The following SCEL variants were observed in gnomAD, a reference collection of about 807,000 sequenced individuals.
The protein encoded by SCEL is sciellin.
SCEL carries 113 observed loss-of-function variants against 117.6 expected under a neutral mutation model. That is an observed-to-expected ratio of 0.96 (90% CI 0.83 to 1.12). The LOEUF (loss-of-function observed/expected upper bound fraction) is 1.12. SCEL is among the 50% of genes most tolerant of loss of function. The probability of loss-of-function intolerance (pLI) is 0.00; values close to 1 mark genes in which losing one functional copy is unlikely to be tolerated. For missense variants in SCEL, 785 were observed against 810.8 expected (o/e 0.97, Z 0.39); for synonymous variants, 270 against 256.2 (o/e 1.05, Z -0.51).
At chr13:77,632,068 G>A (rs757866093) in intron 28 of SCEL, among the ~76,000 whole-genome samples, 1 of 152,182 alleles carries the variant, frequency 6.6e-6, no homozygotes, top group African/African-American at 2.4e-5. Flanking sequence ...GAGGATTCCA[G>A]TTCTGTGGCA....
At chr13:77,610,133 T>C in intron 22 of SCEL, 27 bp downstream of exon 22, 1 of 1,524,832 alleles carries the variant, frequency 6.6e-7, no homozygotes, top group Middle Eastern at 1.7e-4. Context: ...TCTCTATTTC[T>C]CCCCCCTTTT....
chr13:77,550,780 G>T (rs1478752854), intron 1 of SCEL, among the ~76,000 whole-genome samples: 3 of 152,160 alleles, frequency 2.0e-5, no homozygotes, highest in Admixed American at 2.0e-4. Flanking sequence ...GGACATTGGG[G>T]TTGTTTCTAC....
In SCEL at chr13:77,602,099, C is replaced by G. The variant is rs771753570; in HGVS notation, c.952C>G (p.Gln318Glu). The change falls in exon 16 of 33, where the codon CAA becomes GAA. Residue 318 changes from glutamine (Q) to glutamate (E), a missense_variant. Gln to Glu is a conservative substitution (Grantham distance 29). Transcript: ENST00000349847. ...QSLGSPIKVN[Q>E]RTDKNEKGRQ... ...CCTTGGAAGTCCGATTAAAGTTAAT[C>G]AAAGGACTGACAAAAATGAGAAAGG... 2 of 1,611,436 alleles carry G rather than the reference C, an allele frequency of 1.2e-6. No homozygotes were observed. The highest frequency in any genetic ancestry group is 1.7e-6 in the Non-Finnish European group (2 of 1,178,954).
At chr13:77,577,418 T>C (rs953766536) in intron 9 of SCEL, among the ~76,000 whole-genome samples, 3 of 152,026 alleles carry the variant, frequency 2.0e-5, no homozygotes, top group Admixed American at 1.3e-4. Flanking sequence ...CAGACACTTA[T>C]AAAACCATCA....
chr13:77,606,207 T>C (rs928957124), intron 19 of SCEL, among the ~76,000 whole-genome samples: 1 of 152,348 alleles, frequency 6.6e-6, no homozygotes, highest in African/African-American at 2.4e-5. Flanking sequence ...CATGTGTGAT[T>C]GCATATGTAT....
chr13:77,568,126 G>A (rs1213359222), intron 6 of SCEL, among the ~76,000 whole-genome samples, 169 bp from the exon 7 acceptor site: 1 of 152,110 alleles, frequency 6.6e-6, no homozygotes, highest in Non-Finnish European at 1.5e-5. Context: ...TCTAGTACAA[G>A]AGACAAAATC....
intron 29 of SCEL, among the ~76,000 whole-genome samples, chr13:77,635,427 C>T (rs886520292): frequency 3.3e-5 from 5 of 151,998 alleles, no homozygotes; most frequent in Non-Finnish European, 5.9e-5. Context: ...GAAGGCAAGG[C>T]GTGAAATATT....
chr13:77,615,102 T>G (rs1466485929), intron 24 of SCEL, among the ~76,000 whole-genome samples: 1 of 152,158 alleles, frequency 6.6e-6, no homozygotes. Context: ...GTCCATGAGT[T>G]GCATTCTTAA....
chr13:77,577,395 C>T (rs566275011), intron 9 of SCEL, among the ~76,000 whole-genome samples: 40 of 152,072 alleles, frequency 2.6e-4, no homozygotes, highest in Admixed American at 2.3e-3. Context: ...TGAAGGCAAG[C>T]GGGGGAGGAT....
Position 77,593,527 on chromosome 13 carries a change from G to T in SCEL, c.706G>T (p.Asp236Tyr). The T allele has an allele frequency of 6.2e-7, 1 of 1,612,672 alleles. No individual in the cohort carries two copies. Among genetic ancestry groups the T allele is most frequent in the Non-Finnish European group, 8.5e-7 (1 of 1,179,004 alleles). The part of the protein sequence containing the change: ...AERNIRSQDL[D>Y]NIVKVATSLQ... ...CATTGTTTGAAGGAGTCAGGATCTT[G>T]ATAACATCGTCAAAGTGGCCACTTC... The change falls in exon 12 of 33, where the codon GAT (aspartate) becomes TAT (tyrosine). Residue 236 changes from aspartate (D) to tyrosine (Y), a missense_variant. Transcript: ENST00000349847.
At chr13:77,576,799 C>T (rs2085967739) in intron 9 of SCEL, among the ~76,000 whole-genome samples, 1 of 152,094 alleles carries the variant, frequency 6.6e-6, no homozygotes, top group African/African-American at 2.4e-5. Flanking sequence ...TTTTTGTGTC[C>T]TCTCTGATTT....
chr13:77,616,111 C>T (rs540471160), intron 24 of SCEL, among the ~76,000 whole-genome samples: 1 of 150,328 alleles, frequency 6.7e-6, no homozygotes, highest in African/African-American at 2.4e-5. Flanking sequence ...CTTTATGTAA[C>T]AGTGGTTAGA....
At chr13:77,540,238 C>T (rs2083632226) in intron 1 of SCEL, among the ~76,000 whole-genome samples, 1 of 152,186 alleles carries the variant, frequency 6.6e-6, no homozygotes, top group South Asian at 2.1e-4. Context: ...AAATATTCCT[C>T]TAGAACTGAT....
intron 12 of SCEL, among the ~76,000 whole-genome samples, chr13:77,596,324 ACT>A (rs985365727): frequency 7.5e-6 from 1 of 133,956 alleles, no homozygotes; most frequent in Non-Finnish European, 1.7e-5. Flanking sequence ...CAAGAGTGAA[ACT>A]CTGTCTTAAA....
intron 1 of SCEL, among the ~76,000 whole-genome samples, chr13:77,554,317 G>A (rs1255060460): frequency 2.6e-5 from 4 of 152,298 alleles, no homozygotes; most frequent in South Asian, 2.1e-4. Flanking sequence ...GCCTAACAGC[G>A]AAGGGCAAAT....
At chr13:77,549,344 A>G (rs1416498265) in intron 1 of SCEL, among the ~76,000 whole-genome samples, 1 of 152,102 alleles carries the variant, frequency 6.6e-6, no homozygotes, top group Non-Finnish European at 1.5e-5. Context: ...AGCCATTTGT[A>G]TGTCTTTATA....
chr13:77,558,842 G>A (rs772199470), intron 3 of SCEL, among the ~76,000 whole-genome samples: 74 of 146,370 alleles, frequency 5.1e-4, no homozygotes, highest in Non-Finnish European at 8.7e-4. Context: ...AAAAAAAAAG[G>A]TACCAGAGTG....
intron 22 of SCEL, among the ~76,000 whole-genome samples, chr13:77,610,712 T>G (rs1354572378): frequency 6.6e-6 from 1 of 152,206 alleles, no homozygotes; most frequent in Non-Finnish European, 1.5e-5. Flanking sequence ...TTCCCTGATC[T>G]AAGTAGCCTA....
chr13:77,624,100 CTTTTT>C (rs566206052), intron 27 of SCEL, among the ~76,000 whole-genome samples: 3 of 120,350 alleles, frequency 2.5e-5, no homozygotes, highest in Non-Finnish European at 1.7e-5. Context: ...CTTGTCTTCA[CTTTTT>C]TTTTTTTTTT....
Sources: allele counts gnomAD v4.1 joint callset (sites outside exome capture counted in the v4.1 genomes callset), GRCh38; gene constraint gnomAD v4.1.1; transcripts MANE v1.5; gene names NCBI Gene and HGNC (gene_info 2026-07-23, HGNC 2026-07-21).